SNX29: variants seen among roughly 807,000 people sequenced by gnomAD.
The protein encoded by SNX29 is sorting nexin 29, also known as sorting nexin-29.
A neutral mutation model predicts 102.1 loss-of-function variants in SNX29; 78 were observed. That is an observed-to-expected ratio of 0.76 (90% CI 0.64 to 0.92). The LOEUF (loss-of-function observed/expected upper bound fraction) is 0.92. Among genes scored for constraint, SNX29 ranks in the 40% least tolerant of loss-of-function variants. The probability of loss-of-function intolerance (pLI) is 0.00; values close to 1 mark genes in which losing one functional copy is unlikely to be tolerated. For synonymous variants in SNX29, 580 were observed against 414.5 expected, an observed-to-expected ratio of 1.40 and a Z score of -4.85; for missense variants, 1,280 against 1,061.7, an observed-to-expected ratio of 1.21 and a Z score of -2.86.
At position 12,568,488 on chromosome 16, in the gene SNX29, C is replaced by G. The variant is rs1371291435; in HGVS notation, c.2319-18C>G. On this transcript the variant is annotated intron_variant, in intron 20 of 20. Transcript: ENST00000566228. ...TTTCATCCCCAGACTTAACCCGATT[C>G]TCTCCCTGCTCTTTCAGCGACATCA... 11 of 1,608,560 alleles carry G rather than the reference C, an allele frequency of 6.8e-6. No individual in the cohort carries two copies. The highest frequency in any genetic ancestry group is 1.6e-4 in the Middle Eastern group (1 of 6,082).
intron 18 of SNX29, among the ~76,000 whole-genome samples, chr16:12,442,650 G>A (rs988764027): frequency 1.3e-5 from 2 of 151,832 alleles, no homozygotes; most frequent in African/African-American, 2.4e-5. Flanking sequence ...GAGCGCAGTG[G>A]CACAATCATG....
chr16:12,108,866 C>G (rs906315691), intron 11 of SNX29, among the ~76,000 whole-genome samples: 1 of 152,126 alleles, frequency 6.6e-6, no homozygotes, highest in Non-Finnish European at 1.5e-5. Context: ...CACAGTGGCT[C>G]ACGCCTGTAA....
intron 14 of SNX29, among the ~76,000 whole-genome samples, chr16:12,272,061 G>C (rs2079106592): frequency 6.6e-6 from 1 of 152,214 alleles, no homozygotes; most frequent in Non-Finnish European, 1.5e-5. Flanking sequence ...AAGTCAGGTA[G>C]TTGCAGGGGA....
chr16:12,042,607 G>A lies in SNX29; in HGVS notation c.248-290G>A, dbSNP rs183882267. Among the ~76,000 whole-genome samples the A allele has an allele frequency of 1.9e-3, 284 of 152,188 alleles. 1 individual carries two copies. The highest frequency in any genetic ancestry group is 3.4e-3 in the Middle Eastern group (1 of 294). On this transcript the variant is annotated intron_variant, in intron 4 of 20. Coordinates refer to ENST00000566228, the MANE Select transcript of SNX29 (RefSeq NM_032167.5). ...TTCGTTTTCTATTTCTGTGTAATTC[G>A]CTTAGGATAATGGCCTCCAGTCATC...
intron 13 of SNX29, among the ~76,000 whole-genome samples, chr16:12,182,866 G>A (rs2076419991): frequency 1.3e-5 from 2 of 150,532 alleles, no homozygotes; most frequent in African/African-American, 4.9e-5. Flanking sequence ...CCTGGGAGGC[G>A]GAGGTTGCAG....
At chr16:12,391,864 C>T (rs926865286) in intron 16 of SNX29, among the ~76,000 whole-genome samples, 5 of 152,066 alleles carry the variant, frequency 3.3e-5, no homozygotes, top group Admixed American at 2.0e-4. Context: ...TTCTTTCTTT[C>T]GATTTAAAAT....
intron 18 of SNX29, among the ~76,000 whole-genome samples, chr16:12,476,371 AAAAAAAAAAAAAATATAT>A (rs1462540084): frequency 7.6e-5 from 2 of 26,434 alleles, no homozygotes; most frequent in African/African-American, 2.7e-4. Flanking sequence ...AAAAAAAAAA[AAAAAAAAAAAAAATATAT>A]ATATATATAT....
chr16:12,386,850 C>T (rs1008171326), intron 16 of SNX29, among the ~76,000 whole-genome samples: 4 of 149,500 alleles, frequency 2.7e-5, no homozygotes, highest in Admixed American at 6.6e-5. Flanking sequence ...CTAGGTCGGG[C>T]GTGGTGACTC....
chr16:12,251,006 C>T (rs1567357897), intron 14 of SNX29, among the ~76,000 whole-genome samples: 2 of 152,246 alleles, frequency 1.3e-5, no homozygotes, highest in Non-Finnish European at 2.9e-5. Flanking sequence ...ACGATGGCCC[C>T]CTTCTTCACC....
intron 20 of SNX29, among the ~76,000 whole-genome samples, chr16:12,549,844 G>A (rs1291578572): frequency 3.3e-5 from 5 of 152,236 alleles, no homozygotes; most frequent in South Asian, 2.1e-4. Context: ...CTCCTTGGCC[G>A]CATGACTGTG....
At chr16:12,280,503 C>G (rs890183787) in intron 15 of SNX29, among the ~76,000 whole-genome samples, 1 of 152,036 alleles carries the variant, frequency 6.6e-6, no homozygotes, top group Non-Finnish European at 1.5e-5. Context: ...TTACTGGCCT[C>G]AAGCTTCCTT....
intron 20 of SNX29, among the ~76,000 whole-genome samples, chr16:12,536,915 G>A (rs2077101727): frequency 6.6e-6 from 1 of 152,180 alleles, no homozygotes; most frequent in Admixed American, 6.5e-5. Flanking sequence ...GGTGGAGGTT[G>A]CAGTGAGCCG....
At chr16:12,555,518 A>T (rs1366375036) in intron 20 of SNX29, among the ~76,000 whole-genome samples, 1 of 151,180 alleles carries the variant, frequency 6.6e-6, no homozygotes, top group Non-Finnish European at 1.5e-5. Flanking sequence ...TTGACTGGAC[A>T]GCGCCCCTGC....
At chr16:12,106,051 A>C (rs2053223058) in intron 11 of SNX29, among the ~76,000 whole-genome samples, 1 of 152,132 alleles carries the variant, frequency 6.6e-6, no homozygotes, top group Non-Finnish European at 1.5e-5. Flanking sequence ...TTTCCATCTA[A>C]GTAACGCGAG....
chr16:12,462,270 T>C (rs1461007176), intron 18 of SNX29, among the ~76,000 whole-genome samples: 3 of 151,816 alleles, frequency 2.0e-5, no homozygotes, highest in Non-Finnish European at 4.4e-5. Context: ...GCCTCTTTTT[T>C]CCTGAAGGAT....
intron 16 of SNX29, among the ~76,000 whole-genome samples, chr16:12,384,417 C>T (rs2083279207): frequency 6.6e-6 from 1 of 152,294 alleles, no homozygotes; most frequent in Non-Finnish European, 1.5e-5. Context: ...ACCATTTGAA[C>T]TGGGGTGACA....
At chr16:12,539,656 C>A (rs1794306) in intron 20 of SNX29, among the ~76,000 whole-genome samples, 1 of 152,074 alleles carries the variant, frequency 6.6e-6, no homozygotes, top group African/African-American at 2.4e-5. Context: ...ATTCCCACAG[C>A]GTATGAGGGG....
rs1386071435 is a variant in SNX29, at chr16:12,385,871, C to T, written c.1900-12575C>T. Reference sequence around the variant, plus strand: ...GCAAGATGGACAACATTCTCTGGGACCAACGGGATGTGCAGCCTCCTGGGC... The same window carrying T: ...GCAAGATGGACAACATTCTCTGGGATCAACGGGATGTGCAGCCTCCTGGGC... On this transcript the variant is annotated intron_variant, in intron 16 of 20. Coordinates refer to ENST00000566228, the MANE Select transcript of SNX29 (RefSeq NM_032167.5). Among the ~76,000 whole-genome samples, 4 of 152,192 alleles carry T rather than the reference C, an allele frequency of 2.6e-5. No homozygotes were observed. The East Asian group carries it at 7.7e-4, about 29-fold the overall frequency.
At chr16:12,084,417 T>C (rs1234552023) in intron 11 of SNX29, among the ~76,000 whole-genome samples, 1 of 152,204 alleles carries the variant, frequency 6.6e-6, no homozygotes, top group African/African-American at 2.4e-5. Context: ...GTGAAAAAGT[T>C]AATTATTTAG....
Sources: gnomAD v4.1 joint callset for allele counts (sites outside exome capture counted in the v4.1 genomes callset) on GRCh38, gnomAD v4.1.1 for gene constraint, MANE v1.5 for transcripts, NCBI Gene and HGNC (gene_info 2026-07-23, HGNC 2026-07-21) for gene names.